Variants in FMN1 observed in about 807,000 individuals in gnomAD.
The protein encoded by FMN1 is formin 1.
A neutral mutation model predicts 132.4 loss-of-function variants in FMN1; 110 were observed. The ratio of observed to expected loss-of-function variants is 0.83; its 90% confidence interval spans 0.71 to 0.97. The LOEUF (loss-of-function observed/expected upper bound fraction) is 0.97, where lower values mean the gene tolerates loss of function less well. Among genes scored for constraint, FMN1 ranks in the 50% least tolerant of loss-of-function variants. The pLI, the probability that FMN1 is intolerant of heterozygous loss-of-function variation, is 0.00. For synonymous variants in FMN1, 722 were observed against 651.7 expected, an observed-to-expected ratio of 1.11 and a Z score of -1.64; for missense variants, 1,792 against 1,705.3, an observed-to-expected ratio of 1.05 and a Z score of -0.90.
At chr15:32,833,039 T>A (rs1244936072) in intron 17 of FMN1, among the ~76,000 whole-genome samples, 1 of 152,094 alleles carries the variant, frequency 6.6e-6, no homozygotes, top group East Asian at 1.9e-4. Flanking sequence ...ACTTTACAAC[T>A]CCTCCTTTCT....
chr15:32,922,266 T>C (rs2060846654), intron 10 of FMN1, among the ~76,000 whole-genome samples: 1 of 152,198 alleles, frequency 6.6e-6, no homozygotes, highest in Admixed American at 6.5e-5. Context: ...TTTGTCCAAG[T>C]GCACTGGAAT....
At chr15:32,851,645 A>G (rs1455103902) in intron 17 of FMN1, among the ~76,000 whole-genome samples, 1 of 152,218 alleles carries the variant, frequency 6.6e-6, no homozygotes, top group East Asian at 1.9e-4. Flanking sequence ...ATTACATTCA[A>G]TTCTTCTCAG....
intron 6 of FMN1, among the ~76,000 whole-genome samples, chr15:33,011,509 C>G (rs1445808370): frequency 6.6e-6 from 1 of 151,006 alleles, no homozygotes; most frequent in East Asian, 1.9e-4. Context: ...ATTTTACAGC[C>G]TCAGGATAGA....
chr15:32,997,146 C>T (rs1173842852), intron 7 of FMN1, among the ~76,000 whole-genome samples: 2 of 152,144 alleles, frequency 1.3e-5, no homozygotes, highest in Admixed American at 6.5e-5. Flanking sequence ...GAGGCACTTC[C>T]TCAAACTGGG....
At chr15:32,824,452 A>G (rs540899784) in intron 17 of FMN1, among the ~76,000 whole-genome samples, 4 of 152,324 alleles carry the variant, frequency 2.6e-5, no homozygotes, top group East Asian at 3.9e-4. Context: ...CAAGGAAAAA[A>G]TGCTTATCAG....
At chr15:33,080,954 A>G (rs1453312236) in intron 5 of FMN1, among the ~76,000 whole-genome samples, 2 of 151,666 alleles carry the variant, frequency 1.3e-5, no homozygotes, top group Admixed American at 6.6e-5. Flanking sequence ...AATCTCCCCC[A>G]CCCGGAGCTT....
chr15:32,958,115 T>C (rs929641329), intron 9 of FMN1, among the ~76,000 whole-genome samples: 1 of 152,198 alleles, frequency 6.6e-6, no homozygotes, highest in Admixed American at 6.5e-5. Flanking sequence ...TGGAGTTACA[T>C]AGAAAGCACA....
At chr15:33,084,272 T>TC (rs2038604649) in intron 5 of FMN1, among the ~76,000 whole-genome samples, 1 of 152,168 alleles carries the variant, frequency 6.6e-6, no homozygotes. Flanking sequence ...GGGGTCTGGA[T>TC]CAAGACCCCT....
At chr15:33,019,724 G>A (rs957732439) in intron 6 of FMN1, among the ~76,000 whole-genome samples, 1 of 152,232 alleles carries the variant, frequency 6.6e-6, no homozygotes, top group African/African-American at 2.4e-5. Context: ...TTGCCTGAGT[G>A]CTAAGCCCCT....
At chr15:33,152,966 T>C (rs1056314625) in intron 4 of FMN1, 82 bp downstream of exon 4, 7 of 1,362,278 alleles carry the variant, frequency 5.1e-6, no homozygotes, top group Admixed American at 5.7e-5. Context: ...TGTTAATCAG[T>C]CAGTTTCTAA....
rs1331575186 is a variant in FMN1, at chr15:32,900,174, C to T, written c.3508-49G>A. ...TACGGAGCTGAACTCCAAATGCACC[C>T]ATGTTCATTCAGTAACAAATATCGA... On this transcript the variant is annotated intron_variant, in intron 13 of 20. Coordinates refer to ENST00000616417, the MANE Select transcript of FMN1 (RefSeq NM_001277313.2). The T allele has an allele frequency of 1.9e-6, 3 of 1,593,720 alleles. No homozygotes were observed. The African/African-American group carries it at 4.0e-5, about 21-fold the overall frequency.
intron 3 of FMN1, among the ~76,000 whole-genome samples, chr15:33,162,180 T>G: frequency 6.6e-6 from 1 of 151,958 alleles, no homozygotes; most frequent in East Asian, 2.0e-4. Context: ...GCCCAGATAA[T>G]TTTTGTATAT....
intron 20 of FMN1, 148 bp downstream of exon 20, chr15:32,776,687 C>A: frequency 4.4e-6 from 2 of 453,988 alleles, no homozygotes; most frequent in Non-Finnish European, 3.8e-6. Flanking sequence ...CCCACACATA[C>A]TTTTTTTTTT....
At chr15:33,078,700 T>G (rs2038324218) in intron 5 of FMN1, among the ~76,000 whole-genome samples, 1 of 150,258 alleles carries the variant, frequency 6.7e-6, no homozygotes, top group African/African-American at 2.4e-5. Flanking sequence ...AACATAGGAG[T>G]GTTCACAAAC....
intron 19 of FMN1, among the ~76,000 whole-genome samples, chr15:32,793,875 A>G (rs1027985259): frequency 3.3e-5 from 5 of 152,234 alleles, no homozygotes; most frequent in African/African-American, 1.2e-4. Context: ...TTCAATAAAT[A>G]ACAATTTTAT....
chr15:33,101,006 A>G (rs1595471345), intron 4 of FMN1, among the ~76,000 whole-genome samples: 1 of 152,240 alleles, frequency 6.6e-6, no homozygotes, highest in African/African-American at 2.4e-5. Flanking sequence ...AATGTTAGCA[A>G]CAAGTTTCTT....
At chr15:32,983,545 A>G (rs1222597930) in intron 7 of FMN1, among the ~76,000 whole-genome samples, 1 of 152,214 alleles carries the variant, frequency 6.6e-6, no homozygotes, top group African/African-American at 2.4e-5. Flanking sequence ...TTAAAGATTG[A>G]TATTATAAGT....
intron 6 of FMN1, among the ~76,000 whole-genome samples, chr15:33,031,970 C>G (rs2035957166): frequency 8.8e-6 from 1 of 113,804 alleles, no homozygotes; most frequent in South Asian, 2.7e-4. Context: ...CCGATGTTGT[C>G]TAAAAATCAA....
intron 19 of FMN1, among the ~76,000 whole-genome samples, chr15:32,786,319 C>T (rs1045811770): frequency 5.3e-5 from 8 of 152,096 alleles, no homozygotes; most frequent in Admixed American, 3.3e-4. Context: ...ATAAGGTTTC[C>T]GTGGTATAAA....
Sources: gnomAD v4.1 joint callset for allele counts (sites outside exome capture counted in the v4.1 genomes callset) on GRCh38, gnomAD v4.1.1 for gene constraint, MANE v1.5 for transcripts, NCBI Gene and HGNC (gene_info 2026-07-23, HGNC 2026-07-21) for gene names.